Variants in TNS4 observed in about 807,000 individuals in gnomAD.
TNS4 encodes the protein tensin-4.
In TNS4, 46 loss-of-function variants were observed where a neutral mutation model predicts 70.4. The ratio of observed to expected loss-of-function variants is 0.65; its 90% confidence interval spans 0.52 to 0.84. The LOEUF (loss-of-function observed/expected upper bound fraction) is 0.84, where lower values mean the gene tolerates loss of function less well. TNS4 is among the 40% of genes least tolerant of loss of function. The pLI is 0.00. For missense variants in TNS4, 863 were observed against 907.0 expected, an observed-to-expected ratio of 0.95 and a Z score of 0.62; for synonymous variants, 390 against 366.6, an observed-to-expected ratio of 1.06 and a Z score of -0.73.
At chr17:40,486,173 A>T (rs2035987339) in intron 4 of TNS4, among the ~76,000 whole-genome samples, 1 of 151,878 alleles carries the variant, frequency 6.6e-6, no homozygotes, top group Admixed American at 6.6e-5. Context: ...TTCTTCTTGG[A>T]CGCCTGTGAT....
At position 40,482,205 on chromosome 17, in the gene TNS4, C is replaced by T. The variant is rs760963077; in HGVS notation, c.1596G>A (p.Gly532=). Residue 532 remains glycine, a splice_region_variant and synonymous_variant, in exon 8 of 13, where the codon GGG becomes GGA. Transcript: ENST00000254051. ...GCTGGCACACGAAGGCAGAGAGGCT[C>T]CCTGAAAGGAAGCAAGCAGCCCTGC... is the stretch of plus-strand genomic sequence containing the variant. ...LKGADEEPYF[G]SLSAFVCQHS... 1 of 1,614,178 alleles carries T rather than the reference C, an allele frequency of 6.2e-7. No homozygotes were observed. The highest frequency in any genetic ancestry group is 1.7e-5 in the Admixed American group (1 of 60,014).
chr17:40,498,036 A>G (rs1342712721), intron 1 of TNS4, among the ~76,000 whole-genome samples: 1 of 152,178 alleles, frequency 6.6e-6, no homozygotes, highest in Non-Finnish European at 1.5e-5. Flanking sequence ...AGAAAACTGT[A>G]CAGAGCTGCA....
chr17:40,492,891 A>C (rs755266975), intron 2 of TNS4, among the ~76,000 whole-genome samples: 2 of 148,468 alleles, frequency 1.3e-5, no homozygotes, highest in Non-Finnish European at 2.9e-5. Flanking sequence ...CTAAAAATAC[A>C]AAAAAATTAG....
intron 1 of TNS4, among the ~76,000 whole-genome samples, chr17:40,497,729 G>A (rs538636010): frequency 1.3e-5 from 2 of 152,300 alleles, no homozygotes; most frequent in Admixed American, 1.3e-4. Flanking sequence ...GGTGGGTGGA[G>A]GAGATGGGGC....
intron 2 of TNS4, among the ~76,000 whole-genome samples, chr17:40,492,903 T>C (rs530149806): frequency 6.6e-6 from 1 of 152,028 alleles, no homozygotes; most frequent in Non-Finnish European, 1.5e-5. Flanking sequence ...AAAAATTAGC[T>C]GGGCATAGTG....
chr17:40,496,204 G>A lies in TNS4; in HGVS notation c.222C>T (p.Ala74=). The part of the protein sequence containing the change: ...GRLQQAPQVE[A]KATCFLPSPG... Reference sequence around the variant, plus strand: ...GGGACGGCAGGAAGCAGGTGGCTTTGGCCTCCACCTGTGGGGCTTGCTGGA... The same window carrying A: ...GGGACGGCAGGAAGCAGGTGGCTTTAGCCTCCACCTGTGGGGCTTGCTGGA... Residue 74 remains alanine, a synonymous_variant, in exon 2 of 13, where the codon GCC becomes GCT. Transcript: ENST00000254051. 6.2e-7 allele frequency: 1 copy of A among 1,604,506 alleles called. No homozygotes were observed. The highest frequency in any genetic ancestry group is 8.5e-7 in the Non-Finnish European group (1 of 1,175,326).
chr17:40,479,537 C>T (rs993660171), intron 10 of TNS4, 137 bp downstream of exon 10: 12 of 1,068,642 alleles, frequency 1.1e-5, no homozygotes, highest in East Asian at 2.6e-5. Flanking sequence ...CCTGGAGTCA[C>T]TCAGCACATC....
intron 5 of TNS4, 36 bp downstream of exon 5, chr17:40,484,885 A>G (rs1331079246): frequency 6.2e-7 from 1 of 1,604,042 alleles, no homozygotes; most frequent in Non-Finnish European, 8.5e-7. Flanking sequence ...TGCAAGACCC[A>G]GACCCTATTC....
intron 3 of TNS4, among the ~76,000 whole-genome samples, chr17:40,488,312 G>A (rs1447360135): frequency 6.6e-6 from 1 of 152,138 alleles, no homozygotes; most frequent in East Asian, 1.9e-4. Flanking sequence ...TTAAGGCAAC[G>A]GCTCTTTTAC....
intron 1 of TNS4, among the ~76,000 whole-genome samples, chr17:40,498,868 T>C (rs2036176963): frequency 6.6e-6 from 1 of 152,078 alleles, no homozygotes; most frequent in Non-Finnish European, 1.5e-5. Context: ...TATTTTGAGT[T>C]GTCAGTCCAT....
chr17:40,490,648 G>T (rs1237601913), intron 2 of TNS4, among the ~76,000 whole-genome samples: 4 of 152,220 alleles, frequency 2.6e-5, no homozygotes, highest in Admixed American at 2.6e-4. Context: ...GGCCACGGTG[G>T]GGGTGGGGAG....
At position 40,479,791 on chromosome 17, in the gene TNS4, G is replaced by A. The variant is rs1222616189; in HGVS notation, c.1793C>T (p.Ala598Val). The change falls in exon 10 of 13, where the codon GCC (alanine) becomes GTC (valine). Residue 598 changes from alanine (A) to valine (V), a missense_variant. By Grantham distance (64) the Ala-to-Val change is moderately conservative. Coordinates refer to ENST00000254051, the MANE Select transcript of TNS4 (RefSeq NM_032865.6). ...SSVSVETLTG[A>V]LAVQKAISTT... ...GGAGATGGCTTTCTGCACGGCCAGG[G>A]CTCCAGTCAGGGTCTCCACGCTCAC... The A allele has an allele frequency of 1.9e-6, 3 of 1,613,928 alleles. No individual in the cohort carries two copies. The South Asian group carries it at 3.3e-5, about 18-fold the overall frequency.
chr17:40,477,785 G>C (rs926930438), intron 12 of TNS4, 56 bp from the exon 13 acceptor site: 3 of 1,585,708 alleles, frequency 1.9e-6, no homozygotes, highest in African/African-American at 1.3e-5. Context: ...CATCAGGCTG[G>C]TGGGAATGGG....
chr17:40,492,842 C>A (rs1444453488), intron 2 of TNS4, among the ~76,000 whole-genome samples: 1 of 151,830 alleles, frequency 6.6e-6, no homozygotes, highest in African/African-American at 2.4e-5. Context: ...GTCAAGAGTT[C>A]AAGACCAGCC....
chr17:40,495,864 G>T, intron 2 of TNS4, 123 bp downstream of exon 2: 3 of 1,003,308 alleles, frequency 3.0e-6, no homozygotes, highest in Non-Finnish European at 4.3e-6. Context: ...TTAGTAACTT[G>T]GTTAGGTTTG....
intron 11 of TNS4, 108 bp downstream of exon 11, chr17:40,478,472 G>A (rs2035878848): frequency 6.8e-7 from 1 of 1,470,010 alleles, no homozygotes; most frequent in African/African-American, 1.4e-5. Flanking sequence ...CTGACCCCTT[G>A]AGGTTCACAG....
rs2035866691 is a variant in TNS4, at chr17:40,477,714, C to T, written c.2022G>A (p.Val674=). ...CCTGAGGCTCTGTCTGGCTCTTGGC[C>T]ACAAACCCAAAGATCCTGGTGGGGG... ...YCKPSWIFGF[V]AKSQTEPQEN... is the part of the protein sequence containing the mutation. The change falls in exon 13 of 13, where the codon GTG becomes GTA. Residue 674 remains valine, a synonymous_variant. Coordinates refer to ENST00000254051, the MANE Select transcript of TNS4 (RefSeq NM_032865.6). 2.5e-6 allele frequency: 4 copies of T among 1,609,216 alleles called. No individual in the cohort carries two copies. The highest frequency in any genetic ancestry group is 3.4e-6 in the Non-Finnish European group (4 of 1,177,388).
In TNS4 at chr17:40,496,242, G is replaced by T; in HGVS notation, c.184C>A (p.Pro62Thr). ...GGGGCTTGCTGGAGTCGGCCAGGGG[G>T]CCCCATGCAGGGCACGGGGGCCATC... Reference protein sequence around the residue: ...ALMAPVPCMGPPGRLQQAPQV... With the variant: ...ALMAPVPCMGTPGRLQQAPQV... The change falls in exon 2 of 13, where the codon CCC (proline) becomes ACC (threonine). Residue 62 changes from proline (P) to threonine (T), a missense_variant. Coordinates refer to ENST00000254051, the MANE Select transcript of TNS4 (RefSeq NM_032865.6). 6.3e-7 allele frequency: 1 copy of T among 1,594,348 alleles called. No homozygotes were observed. The highest frequency in any genetic ancestry group is 2.2e-5 in the East Asian group (1 of 44,744).
At chr17:40,485,906 C>T (rs1047743724) in intron 4 of TNS4, among the ~76,000 whole-genome samples, 2 of 152,232 alleles carry the variant, frequency 1.3e-5, no homozygotes, top group African/African-American at 2.4e-5. Context: ...TGCAAAGGCA[C>T]GCCAGAAGTG....
Sources: allele counts gnomAD v4.1 joint callset (sites outside exome capture counted in the v4.1 genomes callset), GRCh38; gene constraint gnomAD v4.1.1; transcripts MANE v1.5; gene names NCBI Gene and HGNC (gene_info 2026-07-23, HGNC 2026-07-21).